The following VWA3B variants were observed in gnomAD, a reference collection of about 807,000 sequenced individuals.
The protein encoded by VWA3B is von Willebrand factor A domain-containing protein 3B.
In VWA3B, 138 loss-of-function variants were observed where a neutral mutation model predicts 158.3. That is an observed-to-expected ratio of 0.87 (90% CI 0.76 to 1.00). The LOEUF (loss-of-function observed/expected upper bound fraction) is 1.00, where lower values mean the gene tolerates loss of function less well. Ranked by LOEUF, VWA3B falls within the 50% of genes least tolerant of loss-of-function variation. VWA3B has a pLI of 0.00. For synonymous variants in VWA3B, 596 were observed against 587.3 expected (o/e 1.01, Z -0.21); for missense variants, 1,555 against 1,565.1 (o/e 0.99, Z 0.11).
At chr2:98,229,658 C>T (rs555630110) in intron 15 of VWA3B, among the ~76,000 whole-genome samples, 21 of 152,156 alleles carry the variant, frequency 1.4e-4, no homozygotes, top group Non-Finnish European at 2.9e-4. Context: ...GCAGTGCTTA[C>T]TTGTTTATAA....
chr2:98,303,330 G>T (rs762467686), intron 25 of VWA3B, among the ~76,000 whole-genome samples: 22 of 152,124 alleles, frequency 1.4e-4, no homozygotes, highest in Non-Finnish European at 2.8e-4. Context: ...ATAGGGACTT[G>T]GGGAGACCCA....
chr2:98,147,278 G>T (rs915132511), intron 7 of VWA3B, among the ~76,000 whole-genome samples: 1 of 152,036 alleles, frequency 6.6e-6, no homozygotes, highest in Non-Finnish European at 1.5e-5. Context: ...TATGAGGCTG[G>T]GGGTCTGAAT....
intron 1 of VWA3B, among the ~76,000 whole-genome samples, chr2:98,092,860 A>ATG (rs1553633936): frequency 6.6e-4 from 78 of 118,518 alleles, no homozygotes; most frequent in Admixed American, 1.8e-3. Flanking sequence ...ATATATATAT[A>ATG]GTTGAATATT....
the VWA3B span, among the ~76,000 whole-genome samples, chr2:98,330,601 C>T: frequency 6.6e-6 from 1 of 152,186 alleles, no homozygotes; most frequent in African/African-American, 2.4e-5. Flanking sequence ...GTTCTAGACA[C>T]ACCTCTGGGA....
At chr2:98,270,626 T>C in intron 21 of VWA3B, 56 bp from the exon 22 acceptor site, 1 of 1,544,200 alleles carries the variant, frequency 6.5e-7, no homozygotes, top group Non-Finnish European at 8.8e-7. Flanking sequence ...ATTATAGTCA[T>C]TTTCTTTGCT....
intron 19 of VWA3B, among the ~76,000 whole-genome samples, chr2:98,237,121 A>T (rs984602313): frequency 6.6e-6 from 1 of 152,242 alleles, no homozygotes; most frequent in African/African-American, 2.4e-5. Flanking sequence ...GGCTGCAGTG[A>T]GCGGTGATTG....
the VWA3B span, among the ~76,000 whole-genome samples, chr2:98,326,079 TA>T: frequency 1.3e-5 from 2 of 152,160 alleles, no homozygotes; most frequent in Non-Finnish European, 2.9e-5. Context: ...CATATATTTC[TA>T]AAAATCCATG....
At chr2:98,144,497 T>C (rs553910714) in intron 7 of VWA3B, among the ~76,000 whole-genome samples, 5 of 152,158 alleles carry the variant, frequency 3.3e-5, no homozygotes, top group Admixed American at 6.5e-5. Context: ...GTTCCTCTTC[T>C]AGTCATTCCT....
intron 21 of VWA3B, among the ~76,000 whole-genome samples, chr2:98,259,434 A>G (rs866326476): frequency 2.0e-5 from 3 of 151,680 alleles, no homozygotes; most frequent in African/African-American, 7.3e-5. Flanking sequence ...TAATTGTTAT[A>G]TAGGCTGTTG....
intron 12 of VWA3B, among the ~76,000 whole-genome samples, chr2:98,210,024 T>G (rs1343008743): frequency 6.6e-6 from 1 of 152,170 alleles, no homozygotes; most frequent in Non-Finnish European, 1.5e-5. Context: ...CTGGGCTGCC[T>G]GCTGTTGCTG....
At chr2:98,245,006 A>C (rs1003091765) in intron 19 of VWA3B, among the ~76,000 whole-genome samples, 8 of 151,836 alleles carry the variant, frequency 5.3e-5, no homozygotes, top group Non-Finnish European at 1.5e-5. Flanking sequence ...CTCGATCACT[A>C]CCTCTACCTC....
At chr2:98,295,563 C>A (rs189292882) in intron 23 of VWA3B, among the ~76,000 whole-genome samples, 1 of 152,182 alleles carries the variant, frequency 6.6e-6, no homozygotes, top group Admixed American at 6.5e-5. Flanking sequence ...TACCAGCTTC[C>A]GCCCAGAGGA....
chr2:98,163,627 CTG>C (rs1678830921), intron 8 of VWA3B, among the ~76,000 whole-genome samples: 1 of 152,162 alleles, frequency 6.6e-6, no homozygotes, highest in Non-Finnish European at 1.5e-5. Context: ...CTGTATAAAA[CTG>C]GGCTCAATTC....
rs745763099 is a variant in VWA3B at position 98,162,912 on chromosome 2, G to A, written c.1050G>A (p.Thr350=). Residue 350 remains threonine, a synonymous_variant, in exon 8 of 28, where the codon ACG becomes ACA. Transcript: ENST00000477737. ...AAGAGATGGAGGAAGCCTGCAGCAC[G>A]CTGGCCCAGATCCAGAGGCTGGTGG... ...VWQEMEEACS[T]LAQIQRLVAE... 20 of 1,613,942 alleles carry A rather than the reference G, an allele frequency of 1.2e-5. No homozygotes were observed. Among genetic ancestry groups the A allele is most frequent in the East Asian group, 2.2e-5 (1 of 44,900 alleles).
At chr2:98,258,180 A>G (rs1019808438) in intron 21 of VWA3B, among the ~76,000 whole-genome samples, 3 of 151,808 alleles carry the variant, frequency 2.0e-5, no homozygotes, top group Admixed American at 6.6e-5. Flanking sequence ...GTTTGGGTTT[A>G]TTTCTGGACT....
chr2:98,256,707 G>A (rs1373579595), intron 21 of VWA3B, among the ~76,000 whole-genome samples: 1 of 152,134 alleles, frequency 6.6e-6, no homozygotes, highest in Non-Finnish European at 1.5e-5. Context: ...TATATACCTA[G>A]CAGTGGATTT....
chr2:98,250,528 T>C (rs2105801275), intron 20 of VWA3B, 92 bp downstream of exon 20: 1 of 1,086,494 alleles, frequency 9.2e-7, no homozygotes, highest in African/African-American at 1.6e-5. Context: ...TTTTTTTTTT[T>C]TTTAATGAAG....
At chr2:98,292,315 T>C (rs1689545588) in intron 23 of VWA3B, among the ~76,000 whole-genome samples, 1 of 152,152 alleles carries the variant, frequency 6.6e-6, no homozygotes, top group African/African-American at 2.4e-5. Flanking sequence ...AAAAGAATAA[T>C]TATTATTTAA....
intron 12 of VWA3B, among the ~76,000 whole-genome samples, chr2:98,197,004 T>G (rs1473727103): frequency 6.6e-6 from 1 of 152,186 alleles, no homozygotes; most frequent in East Asian, 1.9e-4. Context: ...ATTGCAGACT[T>G]TATTCAGCCT....
Sources: allele counts gnomAD v4.1 joint callset (sites outside exome capture counted in the v4.1 genomes callset), GRCh38; gene constraint gnomAD v4.1.1; transcripts MANE v1.5; gene names NCBI Gene and HGNC (gene_info 2026-07-23, HGNC 2026-07-21).